NHS: variants seen among roughly 807,000 people sequenced by gnomAD.
NHS encodes the protein actin remodeling regulator NHS.
In NHS, 5 loss-of-function variants were observed where a neutral mutation model predicts 72.5. That is an observed-to-expected ratio of 0.07 (90% CI 0.04 to 0.14). The LOEUF (loss-of-function observed/expected upper bound fraction) is 0.14. NHS is among the 10% of genes least tolerant of loss of function. The pLI is 1.00. For missense variants in NHS, 1,072 were observed against 1,355.7 expected, an observed-to-expected ratio of 0.79 and a Z score of 3.29; for synonymous variants, 464 against 547.7, an observed-to-expected ratio of 0.85 and a Z score of 2.13.
chrX:17,588,173 G>T (rs903822254), intron 1 of NHS, among the ~76,000 whole-genome samples: 5 of 111,449 alleles, frequency 4.5e-5, no homozygotes, highest in Admixed American at 9.6e-5. Context: ...AAATAACACG[G>T]TTCAAAAGCA....
At chrX:17,384,920 GAACA>G (rs2064397939) in intron 1 of NHS, among the ~76,000 whole-genome samples, 1 of 112,034 alleles carries the variant, frequency 8.9e-6, no homozygotes, top group Non-Finnish European at 1.9e-5. Context: ...AGTAAGACTG[GAACA>G]AACAATCACA....
chrX:17,407,874 A>T lies in NHS; in HGVS notation c.565+31552A>T, dbSNP rs1044062508. On this transcript the variant is annotated intron_variant, in intron 1 of 8. Coordinates refer to ENST00000676302, the MANE Select transcript of NHS (RefSeq NM_001291867.2). ...GCCAGACTGAGAGTGACCCAAGAAGATGGGGCAACATTCTGAAGAAAATAG... is the reference window on the plus strand; with the variant it reads ...GCCAGACTGAGAGTGACCCAAGAAGTTGGGGCAACATTCTGAAGAAAATAG... 2.7e-5 allele frequency among the ~76,000 whole-genome samples: 3 copies of T among 111,591 alleles called. No homozygotes were observed. In the Admixed American group the frequency reaches 2.8e-4, roughly 11 times the overall value.
chrX:17,600,431 A>G (rs1362756477), intron 1 of NHS, among the ~76,000 whole-genome samples: 1 of 112,014 alleles, frequency 8.9e-6, no homozygotes, highest in Non-Finnish European at 1.9e-5. Flanking sequence ...ATTCCAAAAA[A>G]GCGTCAGCCA....
intron 1 of NHS, among the ~76,000 whole-genome samples, chrX:17,628,701 G>A (rs2065810549): frequency 8.8e-6 from 1 of 113,224 alleles, no homozygotes; most frequent in Admixed American, 9.3e-5. Context: ...TATCATTGGG[G>A]TAACCCAGCA....
intron 1 of NHS, among the ~76,000 whole-genome samples, chrX:17,558,050 C>A (rs186778895): frequency 8.9e-6 from 1 of 111,881 alleles, no homozygotes; most frequent in Non-Finnish European, 1.9e-5. Flanking sequence ...TAGGTACAGC[C>A]GACACTCAAG....
intron 3 of NHS, among the ~76,000 whole-genome samples, chrX:17,693,692 T>C (rs1425271160): frequency 8.9e-6 from 1 of 112,815 alleles, no homozygotes; most frequent in East Asian, 2.8e-4. Flanking sequence ...GTAGCTGGAC[T>C]GCAGGCAGGT....
At chrX:17,621,744 A>G (rs1184932048) in intron 1 of NHS, among the ~76,000 whole-genome samples, 1 of 110,810 alleles carries the variant, frequency 9.0e-6, no homozygotes, top group Non-Finnish European at 1.9e-5. Flanking sequence ...TGAGCCCCCC[A>G]GGTAGTGACT....
chrX:17,430,197 C>A (rs748677535), intron 1 of NHS, among the ~76,000 whole-genome samples: 40 of 81,296 alleles, frequency 4.9e-4, no homozygotes, highest in African/African-American at 1.9e-3. Flanking sequence ...TTTCCCTCCC[C>A]TCCCTCCCTT....
At chrX:17,565,305 C>A (rs147045767) in intron 1 of NHS, among the ~76,000 whole-genome samples, 3 of 111,879 alleles carry the variant, frequency 2.7e-5, no homozygotes, top group Non-Finnish European at 5.6e-5. Flanking sequence ...TCAGATCTTC[C>A]AGTCTGCTGA....
intron 1 of NHS, among the ~76,000 whole-genome samples, chrX:17,380,842 C>G (rs2064374251): frequency 9.0e-6 from 1 of 111,331 alleles, no homozygotes; most frequent in South Asian, 3.8e-4. Context: ...ATTGAGAAGC[C>G]GAGAGGGGAT....
intron 1 of NHS, among the ~76,000 whole-genome samples, chrX:17,538,490 C>T (rs905709408): frequency 3.6e-5 from 4 of 111,755 alleles, no homozygotes; most frequent in African/African-American, 6.5e-5. Flanking sequence ...GCAGAACACA[C>T]GTCAGAGTTT....
chrX:17,532,859 C>T (rs1364471755), intron 1 of NHS, among the ~76,000 whole-genome samples: 2 of 112,122 alleles, frequency 1.8e-5, no homozygotes, highest in African/African-American at 6.5e-5. Context: ...CTTTTCTTAA[C>T]TTATCTGAGC....
At chrX:17,640,222 C>G (rs1162403836) in intron 1 of NHS, among the ~76,000 whole-genome samples, 1 of 111,816 alleles carries the variant, frequency 8.9e-6, no homozygotes, top group Non-Finnish European at 1.9e-5. Flanking sequence ...CTAGTTTTCT[C>G]TGAAGCCCAC....
At chrX:17,594,175 A>C (rs1447961291) in intron 1 of NHS, among the ~76,000 whole-genome samples, 1 of 112,093 alleles carries the variant, frequency 8.9e-6, no homozygotes, top group African/African-American at 3.3e-5. Flanking sequence ...AAGTTGAATA[A>C]CTGGCCCGTG....
intron 1 of NHS, among the ~76,000 whole-genome samples, chrX:17,545,571 G>T (rs1433723838): frequency 8.9e-6 from 1 of 111,813 alleles, no homozygotes; most frequent in Non-Finnish European, 1.9e-5. Context: ...GCTCCTGCCT[G>T]GGGAGTCCAT....
At chrX:17,614,200 C>T (rs994722332) in intron 1 of NHS, among the ~76,000 whole-genome samples, 1 of 112,190 alleles carries the variant, frequency 8.9e-6, no homozygotes, top group East Asian at 2.8e-4. Flanking sequence ...TTTTCAGAGG[C>T]GTGGAGCTGT....
At position 17,719,504 on chromosome X, in the gene NHS, T is replaced by C. The variant is rs571319024; in HGVS notation, c.915+98T>C. On this transcript the variant is annotated intron_variant, in intron 4 of 8. Coordinates refer to ENST00000676302, the MANE Select transcript of NHS (RefSeq NM_001291867.2). ...TTAACTTTATGGAAAACTTTCTTGT[T>C]TCTAACTAACGGTTTTTCTTTAAAA... The C allele has an allele frequency of 7.7e-4, 504 of 657,978 alleles. 2 individuals are homozygous for C. In the Middle Eastern group the frequency reaches 8.6e-3, roughly 11 times the overall value. The allele number at this position is 657,978 out of a possible 1,213,427, so 54.2% of individuals were successfully genotyped here. A position where few individuals can be genotyped will look rare whatever the true frequency, so the allele number is the denominator to read the frequency against.
chrX:17,385,444 G>T (rs999186797), intron 1 of NHS, among the ~76,000 whole-genome samples: 3 of 111,921 alleles, frequency 2.7e-5, no homozygotes, highest in East Asian at 2.8e-4. Context: ...AATCAAGGAG[G>T]TGGAGGTTGC....
chrX:17,454,138 G>C (rs2064816880), intron 1 of NHS, among the ~76,000 whole-genome samples: 1 of 111,872 alleles, frequency 8.9e-6, no homozygotes, highest in African/African-American at 3.3e-5. Context: ...AAGTAGAGCA[G>C]GCAAATTTTG....
Sources: allele counts gnomAD v4.1 joint callset (sites outside exome capture counted in the v4.1 genomes callset), GRCh38; gene constraint gnomAD v4.1.1; transcripts MANE v1.5; gene names NCBI Gene and HGNC (gene_info 2026-07-23, HGNC 2026-07-21).